GRIK4: variants seen among roughly 807,000 people sequenced by gnomAD.
GRIK4 encodes the protein glutamate ionotropic receptor kainate type subunit 4.
In GRIK4, 40 loss-of-function variants were observed where a neutral mutation model predicts 104.9. That is an observed-to-expected ratio of 0.38 (90% CI 0.30 to 0.50). The LOEUF is 0.50. Ranked by LOEUF, GRIK4 falls within the 20% of genes least tolerant of loss-of-function variation. The pLI is 0.93. For missense variants in GRIK4, 1,047 were observed against 1,308.1 expected (o/e 0.80, Z 3.08); for synonymous variants, 485 against 524.9 (o/e 0.92, Z 1.04).
intron 3 of GRIK4, among the ~76,000 whole-genome samples, chr11:120,690,808 T>G (rs2135308919): frequency 6.6e-6 from 1 of 152,330 alleles, no homozygotes; most frequent in South Asian, 2.1e-4. Context: ...TTCAGGCCAT[T>G]TCTTCTTTTA....
chr11:120,750,730 G>A (rs147289132), intron 3 of GRIK4, among the ~76,000 whole-genome samples: 266 of 152,234 alleles, frequency 1.7e-3, no homozygotes, highest in African/African-American at 5.8e-3. Flanking sequence ...TCTCCAAAGT[G>A]AGGTACTCTG....
intron 8 of GRIK4, among the ~76,000 whole-genome samples, chr11:120,860,786 A>G (rs7937438): frequency 0.49 from 74,113 of 151,980 alleles, 18,756 homozygotes; most frequent in African/African-American, 0.61. Flanking sequence ...GCAAACCTTC[A>G]GGTTGAGGTT....
chr11:120,597,904 A>G (rs1948826768), intron 1 of GRIK4, among the ~76,000 whole-genome samples: 1 of 152,054 alleles, frequency 6.6e-6, no homozygotes, highest in South Asian at 2.1e-4. Context: ...TCCGAGCCCT[A>G]ATTACTGCTT....
chr11:120,930,247 G>C (rs12796452), intron 13 of GRIK4, among the ~76,000 whole-genome samples: 24,562 of 152,206 alleles, frequency 0.16, 2,547 homozygotes, highest in East Asian at 0.32. Flanking sequence ...CAGGGCTAAT[G>C]GCAGTTTTGA....
chr11:120,676,720 G>A (rs373740596), intron 3 of GRIK4, among the ~76,000 whole-genome samples: 47 of 152,202 alleles, frequency 3.1e-4, no homozygotes, highest in African/African-American at 8.9e-4. Context: ...ACCTCCTACC[G>A]GGCCCCACTT....
At chr11:120,632,377 T>C (rs1370812303) in intron 1 of GRIK4, among the ~76,000 whole-genome samples, 1 of 152,108 alleles carries the variant, frequency 6.6e-6, no homozygotes, top group African/African-American at 2.4e-5. Flanking sequence ...TTTATAAGGC[T>C]GAATTGAGAT....
chr11:120,947,869 C>A (rs1349677370), intron 14 of GRIK4, among the ~76,000 whole-genome samples: 1 of 152,132 alleles, frequency 6.6e-6, no homozygotes, highest in Non-Finnish European at 1.5e-5. Context: ...AAGTCCAGGT[C>A]AATGCCAGGA....
chr11:120,948,537 A>G (rs77219888), intron 14 of GRIK4, among the ~76,000 whole-genome samples: 1,642 of 152,280 alleles, frequency 0.011, 20 homozygotes, highest in African/African-American at 0.029. Context: ...TCCAGAAGAA[A>G]GCCTGGTATT....
chr11:120,695,457 T>C lies in GRIK4; in HGVS notation c.82+35057T>C, dbSNP rs1274882328. Among the ~76,000 whole-genome samples, 4 of 152,208 alleles carry C rather than the reference T, an allele frequency of 2.6e-5. No homozygotes were observed. In the East Asian group the frequency reaches 7.7e-4, roughly 29 times the overall value. On this transcript the variant is annotated intron_variant, in intron 3 of 20. Transcript: ENST00000527524. ...GCCCCTGTGAGAAAGACAAACTCTG[T>C]TTCCATAGAGGAGTGCCAGAAAGGT... is the stretch of plus-strand genomic sequence containing the variant.
chr11:120,988,036 G>C lies in GRIK4; in HGVS notation c.*1776G>C, dbSNP rs1176062355. On this transcript the variant is annotated 3_prime_UTR_variant, in exon 21 of 21. Coordinates refer to ENST00000527524, the MANE Select transcript of GRIK4 (RefSeq NM_014619.5). ...TTGGAAGATGACGAGCTTAATTCAT[G>C]TTTTTGCCATTTGGGTTGGTCGGCA... is the stretch of plus-strand genomic sequence containing the variant. 2 of 152,356 alleles carry C rather than the reference G, an allele frequency of 1.3e-5. No individual in the cohort carries two copies. The highest frequency in any genetic ancestry group is 3.9e-4 in the East Asian group (2 of 5,186). The allele number at this position is 152,356 out of a possible 1,614,324, so 9.4% of individuals were successfully genotyped here.
At chr11:120,659,569 C>T (rs1949777076) in intron 2 of GRIK4, among the ~76,000 whole-genome samples, 1 of 152,184 alleles carries the variant, frequency 6.6e-6, no homozygotes. Context: ...GTGAAGGCCA[C>T]ACAACTGGCA....
In GRIK4 at chr11:120,940,371, C is replaced by T; in HGVS notation, c.1501C>T (p.Leu501Phe). The T allele has an allele frequency of 1.2e-6, 2 of 1,612,870 alleles. No individual in the cohort carries two copies. The highest frequency in any genetic ancestry group is 1.7e-6 in the Non-Finnish European group (2 of 1,178,954). ...ARKADLAVAG[L>F]TITAEREKVI... ...GAAAGCAGATCTGGCTGTGGCAGGCCTCACCATTACAGCTGAACGGGAGAA... is the reference window on the plus strand; with the variant it reads ...GAAAGCAGATCTGGCTGTGGCAGGCTTCACCATTACAGCTGAACGGGAGAA... Residue 501 changes from leucine (L) to phenylalanine (F), a missense_variant, in exon 14 of 21, where the codon CTC becomes TTC. Leu to Phe is a conservative substitution (Grantham distance 22). This residue lies in a region of GRIK4 where 440 missense variants were observed against 652.3 expected (regional missense o/e 0.67). Coordinates refer to ENST00000527524, the MANE Select transcript of GRIK4 (RefSeq NM_014619.5). The surrounding 1 kb of genome is among the most constrained non-coding windows in gnomAD (Gnocchi z 4.3).
intron 19 of GRIK4, among the ~76,000 whole-genome samples, chr11:120,969,109 A>C (rs553272278): frequency 6.6e-6 from 1 of 152,330 alleles, no homozygotes; most frequent in African/African-American, 2.4e-5. Flanking sequence ...TGGGAATAAG[A>C]AAGCTCTACA....
In GRIK4 at chr11:120,511,849, C is replaced by G; in HGVS notation, c.-197C>G. ...GCCCCGCGGCCGGCCCGGCAGCGCC[C>G]GGCCCCCGGCTCAGCCCCCGGAGTG... On this transcript the variant is annotated 5_prime_UTR_variant, in exon 1 of 21. Coordinates refer to ENST00000527524, the MANE Select transcript of GRIK4 (RefSeq NM_014619.5). 1 of 349,104 alleles carries G rather than the reference C, an allele frequency of 2.9e-6. No individual in the cohort carries two copies. The highest frequency in any genetic ancestry group is 5.8e-6 in the Non-Finnish European group (1 of 171,362). The allele number at this position is 349,104 out of a possible 1,614,324, so 21.6% of individuals were successfully genotyped here.
intron 1 of GRIK4, among the ~76,000 whole-genome samples, chr11:120,635,523 G>T (rs960935103): frequency 1.3e-5 from 2 of 152,316 alleles, no homozygotes; most frequent in African/African-American, 4.8e-5. Flanking sequence ...GAGTTAAAGC[G>T]ATTCTGCTTT....
chr11:120,564,252 A>G (rs779282185), intron 1 of GRIK4, among the ~76,000 whole-genome samples: 2 of 152,210 alleles, frequency 1.3e-5, no homozygotes, highest in African/African-American at 4.8e-5. Context: ...GTTACGGGGG[A>G]AAATGCTCTC....
chr11:120,945,751 G>A (rs1057301268), intron 14 of GRIK4, among the ~76,000 whole-genome samples: 19 of 152,354 alleles, frequency 1.2e-4, no homozygotes, highest in African/African-American at 3.6e-4. Flanking sequence ...TCTGGCTCAG[G>A]TCTGGCTGTA....
intron 11 of GRIK4, among the ~76,000 whole-genome samples, chr11:120,886,934 A>G (rs539129377): frequency 6.6e-6 from 1 of 152,050 alleles, no homozygotes; most frequent in Non-Finnish European, 1.5e-5. Flanking sequence ...CTAGACCAGC[A>G]CTCTAATTGG....
At chr11:120,841,542 CT>C (rs2135582450) in intron 8 of GRIK4, among the ~76,000 whole-genome samples, 1 of 152,272 alleles carries the variant, frequency 6.6e-6, no homozygotes, top group Admixed American at 6.5e-5. Context: ...TCGCCTCCAC[CT>C]TTTGGCTATT....
Sources: allele counts gnomAD v4.1 joint callset (sites outside exome capture counted in the v4.1 genomes callset), GRCh38; gene constraint gnomAD v4.1.1; regional missense constraint gnomAD v4.1.1; non-coding constraint Gnocchi (gnomAD v3.1); transcripts MANE v1.5; gene names NCBI Gene and HGNC (gene_info 2026-07-23, HGNC 2026-07-21).